The following STMN2 variants were observed in gnomAD, a reference collection of about 807,000 sequenced individuals.
The protein encoded by STMN2 is stathmin 2.
In STMN2, 2 loss-of-function variants were observed where a neutral mutation model predicts 24.1. The observed-to-expected ratio is 0.08, with a 90% CI of 0.03 to 0.26. The LOEUF is 0.26. Ranked by LOEUF, STMN2 falls within the 10% of genes least tolerant of loss-of-function variation. The probability of loss-of-function intolerance (pLI) is 1.00; values close to 1 mark genes in which losing one functional copy is unlikely to be tolerated. For synonymous variants in STMN2, 83 were observed against 77.5 expected (o/e 1.07, Z -0.37); for missense variants, 114 against 213.6 (o/e 0.53, Z 2.91).
At chr8:79,642,518 A>G (rs1490636329) in intron 3 of STMN2, among the ~76,000 whole-genome samples, 2 of 152,198 alleles carry the variant, frequency 1.3e-5, no homozygotes, top group African/African-American at 4.8e-5. Context: ...TTCCCTGCAC[A>G]GTTTTATGAT....
At chr8:79,662,039 G>T (rs1806513780) in intron 4 of STMN2, among the ~76,000 whole-genome samples, 1 of 152,058 alleles carries the variant, frequency 6.6e-6, no homozygotes, top group African/African-American at 2.4e-5. Flanking sequence ...GATACCTAGT[G>T]AGATTAAAGG....
chr8:79,616,446 T>C (rs1185653482), intron 1 of STMN2, among the ~76,000 whole-genome samples: 1 of 152,204 alleles, frequency 6.6e-6, no homozygotes, highest in Non-Finnish European at 1.5e-5. Context: ...AGCTATAAAA[T>C]ATTTAATAGT....
chr8:79,646,465 C>T (rs1266901149), intron 3 of STMN2, among the ~76,000 whole-genome samples: 4 of 151,488 alleles, frequency 2.6e-5, no homozygotes, highest in African/African-American at 9.7e-5. Flanking sequence ...AAAAAAAAAC[C>T]TCTTGAATAA....
intron 3 of STMN2, among the ~76,000 whole-genome samples, chr8:79,654,666 G>T (rs1463197771): frequency 6.6e-6 from 1 of 152,152 alleles, no homozygotes. Context: ...TATACTCACA[G>T]CTGAAAATTC....
At chr8:79,649,461 T>C (rs892886341) in intron 3 of STMN2, among the ~76,000 whole-genome samples, 1 of 152,196 alleles carries the variant, frequency 6.6e-6, no homozygotes, top group South Asian at 2.1e-4. Flanking sequence ...AATATTGTAC[T>C]CTTTGGTTTT....
intron 1 of STMN2, among the ~76,000 whole-genome samples, chr8:79,634,782 A>G (rs191471866): frequency 1.3e-5 from 2 of 152,246 alleles, no homozygotes; most frequent in East Asian, 3.9e-4. Flanking sequence ...CCAGGGGTTG[A>G]ATATGTTTCT....
At chr8:79,620,607 C>T (rs1270046490) in intron 1 of STMN2, among the ~76,000 whole-genome samples, 2 of 152,104 alleles carry the variant, frequency 1.3e-5, no homozygotes, top group Non-Finnish European at 2.9e-5. Context: ...ATGGAAGTCA[C>T]CATCTCACAA....
intron 1 of STMN2, among the ~76,000 whole-genome samples, chr8:79,626,153 T>TG (rs5892682): frequency 0.7 from 106,267 of 151,924 alleles, 37,824 homozygotes; most frequent in African/African-American, 0.83. Context: ...TATCTAAGGT[T>TG]AATAGTTCCT....
rs1015004449 is a variant in STMN2 at position 79,631,474 on chromosome 8, C to A, written c.20-5328C>A. ...TTTTATTCTAAAGCAATTAGCATTA[C>A]ATCATCACAGCAGAAATATCTAGAA... On this transcript the variant is annotated intron_variant, in intron 1 of 4. Coordinates refer to ENST00000220876, the MANE Select transcript of STMN2 (RefSeq NM_007029.4). The A allele has an allele frequency of 4.1e-6, 4 of 978,030 alleles. No individual in the cohort carries two copies. In the African/African-American group the frequency reaches 7.0e-5, roughly 17 times the overall value. 60.6% of individuals were successfully genotyped at this position (978,030 alleles called of 1,614,324 possible). A position where few individuals can be genotyped will look rare whatever the true frequency, so the allele number is the denominator to read the frequency against.
chr8:79,648,803 A>ATC (rs1810273358), intron 3 of STMN2, among the ~76,000 whole-genome samples: 1 of 152,154 alleles, frequency 6.6e-6, no homozygotes, highest in Non-Finnish European at 1.5e-5. Context: ...ATCAAATTGC[A>ATC]TAGAAGAAAA....
At chr8:79,630,602 T>C (rs1296868675) in intron 1 of STMN2, among the ~76,000 whole-genome samples, 1 of 152,168 alleles carries the variant, frequency 6.6e-6, no homozygotes, top group Non-Finnish European at 1.5e-5. Context: ...TACTTTCTAC[T>C]CTTCAGCCAA....
chr8:79,656,617 T>A (rs1806375612), intron 4 of STMN2, among the ~76,000 whole-genome samples: 1 of 152,202 alleles, frequency 6.6e-6, no homozygotes, highest in Admixed American at 6.5e-5. Flanking sequence ...GAACTAAGGA[T>A]GTTCCCGCTT....
At chr8:79,642,117 T>C (rs781614097) in intron 3 of STMN2, among the ~76,000 whole-genome samples, 5 of 152,220 alleles carry the variant, frequency 3.3e-5, no homozygotes, top group Non-Finnish European at 5.9e-5. Flanking sequence ...GCCCTGGAAG[T>C]TGGTCCTTCC....
intron 2 of STMN2, among the ~76,000 whole-genome samples, chr8:79,639,580 A>G (rs1272548464): frequency 6.6e-6 from 1 of 152,176 alleles, no homozygotes; most frequent in Non-Finnish European, 1.5e-5. Context: ...TATAAATTAT[A>G]CTATTTTATG....
intron 1 of STMN2, among the ~76,000 whole-genome samples, chr8:79,631,205 C>A (rs555229740): frequency 6.6e-6 from 1 of 152,278 alleles, no homozygotes; most frequent in South Asian, 2.1e-4. Context: ...CATCTAGTTT[C>A]TTTTCCTTGT....
intron 1 of STMN2, among the ~76,000 whole-genome samples, chr8:79,628,155 T>A (rs944386400): frequency 2.6e-5 from 4 of 151,946 alleles, no homozygotes; most frequent in African/African-American, 9.7e-5. Context: ...AGTTTTATTT[T>A]TTTTTATTTT....
At chr8:79,653,255 T>G (rs146349790) in intron 3 of STMN2, among the ~76,000 whole-genome samples, 1 of 152,196 alleles carries the variant, frequency 6.6e-6, no homozygotes, top group Non-Finnish European at 1.5e-5. Flanking sequence ...CACACACCTG[T>G]AATCTCAGCT....
chr8:79,625,376 G>A (rs1031352909), intron 1 of STMN2, among the ~76,000 whole-genome samples: 1 of 152,112 alleles, frequency 6.6e-6, no homozygotes, highest in Non-Finnish European at 1.5e-5. Flanking sequence ...TATCTTATAG[G>A]AGGATTATCA....
At chr8:79,625,402 G>A (rs1809628734) in intron 1 of STMN2, among the ~76,000 whole-genome samples, 1 of 152,152 alleles carries the variant, frequency 6.6e-6, no homozygotes, top group Non-Finnish European at 1.5e-5. Flanking sequence ...ATTTTTACAG[G>A]TGAGAAAGGA....
Sources: allele counts gnomAD v4.1 joint callset (sites outside exome capture counted in the v4.1 genomes callset), GRCh38; gene constraint gnomAD v4.1.1; transcripts MANE v1.5; gene names NCBI Gene and HGNC (gene_info 2026-07-23, HGNC 2026-07-21).